PHKA2: variants seen among roughly 807,000 people sequenced by gnomAD.
PHKA2 encodes the protein phosphorylase b kinase regulatory subunit alpha, liver isoform.
Under a neutral mutation model 102.0 loss-of-function variants are expected in PHKA2, and 31 were observed. That is an observed-to-expected ratio of 0.30 (90% confidence interval 0.23 to 0.41). The LOEUF is 0.41. PHKA2 is among the 10% of genes least tolerant of loss of function. The pLI is 1.00. For synonymous variants in PHKA2, 455 were observed against 416.2 expected, an observed-to-expected ratio of 1.09 and a Z score of -1.13; for missense variants, 858 against 1,023.1, an observed-to-expected ratio of 0.84 and a Z score of 2.20.
intron 17 of PHKA2, among the ~76,000 whole-genome samples, chrX:18,920,958 C>T (rs934261583): frequency 2.0e-4 from 22 of 112,059 alleles, no homozygotes; most frequent in Non-Finnish European, 3.9e-4. Flanking sequence ...GGCTGAGAAA[C>T]GTTTAAAGAG....
intron 1 of PHKA2, among the ~76,000 whole-genome samples, chrX:18,959,724 A>G (rs766437999): frequency 8.1e-5 from 9 of 111,425 alleles, no homozygotes; most frequent in Non-Finnish European, 1.7e-4. Context: ...TCTCCCACCT[A>G]TATCAGGTGA....
At chrX:18,952,599 A>G in intron 2 of PHKA2, 58 bp from the exon 3 acceptor site, 1 of 1,102,412 alleles carries the variant, frequency 9.1e-7, no homozygotes, top group Non-Finnish European at 1.2e-6. Context: ...CAGGAAAATC[A>G]CCTCCTGATC....
intron 1 of PHKA2, among the ~76,000 whole-genome samples, chrX:18,970,482 T>C (rs2049005390): frequency 8.9e-6 from 1 of 112,291 alleles, no homozygotes; most frequent in South Asian, 3.7e-4. Context: ...TAAATCTGGG[T>C]TATTCATTTT....
chrX:18,951,625 A>C (rs1601777014), intron 3 of PHKA2, among the ~76,000 whole-genome samples: 2 of 111,547 alleles, frequency 1.8e-5, no homozygotes, highest in Admixed American at 1.9e-4. Flanking sequence ...ACCTGTTTAA[A>C]TTTCAATTTC....
At position 18,906,827 on chromosome X, in the gene PHKA2, A is replaced by ATT; in HGVS notation, c.2598-15_2598-14dup. 1 of 1,192,151 alleles carries ATT rather than the reference A, an allele frequency of 8.4e-7. No homozygotes were observed. Among genetic ancestry groups the ATT allele is most frequent in the Non-Finnish European group, 1.1e-6 (1 of 877,369 alleles). ...TGGGGGAAGGGGCCTAGAAAGGAGC[A>ATT]TTGTGTCACGAATGTGATGAGGTGT... On this transcript the variant is annotated splice_polypyrimidine_tract_variant and intron_variant, in intron 23 of 32. Coordinates refer to ENST00000379942, the MANE Select transcript of PHKA2 (RefSeq NM_000292.3).
intron 1 of PHKA2, among the ~76,000 whole-genome samples, chrX:18,980,461 A>G (rs1387807014): frequency 8.8e-6 from 1 of 113,001 alleles, no homozygotes; most frequent in Non-Finnish European, 1.9e-5. Context: ...TGCTGGCAGC[A>G]ATGCTGCTCT....
Position 18,894,267 on chromosome X carries a change from G to A in PHKA2, c.3474C>T (p.Ile1158=), listed in dbSNP as rs1332498387. 18 of 1,210,118 alleles carry A rather than the reference G, an allele frequency of 1.5e-5. No homozygotes were observed. Among genetic ancestry groups the A allele is most frequent in the Admixed American group, 8.7e-5 (4 of 45,853 alleles). ...TCTGGTCCACGTGGATGATGCCCCC[G>A]ATGCTGGTCATCTCCGTGTCCGAGA... ...TLLSDTEMTS[I]GGIIHVDQIV... The change falls in exon 32 of 33, where the codon ATC becomes ATT. Residue 1158 remains isoleucine (I), a synonymous_variant. Transcript: ENST00000379942.
At chrX:18,983,016 T>C (rs1029510181) in intron 1 of PHKA2, among the ~76,000 whole-genome samples, 8 of 112,223 alleles carry the variant, frequency 7.1e-5, no homozygotes, top group African/African-American at 2.6e-4. Context: ...AGAAATTAGT[T>C]AAGAAGGGAA....
chrX:18,895,189 G>C lies in PHKA2; in HGVS notation c.3285C>G (p.Cys1095Trp). The C allele has an allele frequency of 8.3e-7, 1 of 1,209,393 alleles. No individual in the cohort carries two copies. Among genetic ancestry groups the C allele is most frequent in the Non-Finnish European group, 1.1e-6 (1 of 893,319 alleles). The part of the protein sequence containing the change: ...YQRVWKILQK[C>W]HGLSIDGYVL... ...CATAACCATCGATGGAGAGACCGTG[G>C]CACTGGAGGCAGAATAGAGCGCATT... Residue 1095 changes from cysteine (C) to tryptophan (W), a missense_variant and splice_region_variant, in exon 31 of 33, where the codon TGC (cysteine) becomes TGG (tryptophan). By Grantham distance (215) the Cys-to-Trp change is radical (BLOSUM62 -2). Coordinates refer to ENST00000379942, the MANE Select transcript of PHKA2 (RefSeq NM_000292.3).
chrX:18,926,457 C>A lies in PHKA2; in HGVS notation c.1455G>T (p.Lys485Asn). The change falls in exon 14 of 33, where the codon AAG becomes AAT. Residue 485 changes from lysine to asparagine, a missense_variant. Around this residue, in one of 2 missense-constraint regions of PHKA2, gnomAD observed 671 missense variants for 745.2 expected, o/e 0.90. Coordinates refer to ENST00000379942, the MANE Select transcript of PHKA2 (RefSeq NM_000292.3). ...PGRILSHIYA[K>N]LGRNKNMNLS... is the part of the protein sequence containing the mutation. ...AGGTAATTTCCCCAAACCTACCAAG[C>A]TTGGCATATATGTGACTAAGAATCC... 1 of 1,204,595 alleles carries A rather than the reference C, an allele frequency of 8.3e-7. No individual in the cohort carries two copies. Among genetic ancestry groups the A allele is most frequent in the Non-Finnish European group, 1.1e-6 (1 of 888,671 alleles).
intron 5 of PHKA2, among the ~76,000 whole-genome samples, chrX:18,948,466 T>C (rs1370273157): frequency 1.8e-5 from 2 of 111,685 alleles, no homozygotes; most frequent in African/African-American, 3.3e-5. Context: ...AGAGCGAGAC[T>C]CTGTTTAAAA....
At chrX:18,940,112 G>C (rs1256335576) in intron 8 of PHKA2, 64 bp from the exon 9 acceptor site, 6 of 704,566 alleles carry the variant, frequency 8.5e-6, no homozygotes, top group Non-Finnish European at 1.2e-5. Context: ...ATTCAAGTCA[G>C]CCCTGCACCC....
chrX:18,961,197 G>A (rs1012960285), intron 1 of PHKA2, among the ~76,000 whole-genome samples: 1 of 111,783 alleles, frequency 8.9e-6, no homozygotes, highest in Non-Finnish European at 1.9e-5. Flanking sequence ...CAAGGTCCTG[G>A]CCTAGTTAGG....
At chrX:18,908,987 G>T in intron 20 of PHKA2, 53 bp from the exon 21 acceptor site, 2 of 1,202,247 alleles carry the variant, frequency 1.7e-6, no homozygotes, top group Non-Finnish European at 2.3e-6. Flanking sequence ...TGGAACTTTC[G>T]GAAGATCAAG....
chrX:18,959,204 T>C (rs1019733285), intron 1 of PHKA2, among the ~76,000 whole-genome samples: 1 of 112,387 alleles, frequency 8.9e-6, no homozygotes, highest in African/African-American at 3.2e-5. Context: ...GTACACCTCA[T>C]AGGGTTATTT....
Position 18,893,076 on chromosome X carries a change from T to G in PHKA2, c.*409A>C. On this transcript the variant is annotated 3_prime_UTR_variant, in exon 33 of 33. Transcript: ENST00000379942. ...GTCAAGGCTACTGCCGCCAGGAGGA[T>G]CTTTGCATCTTTAGGATGTGTCACT... 2 of 198,353 alleles carry G rather than the reference T, an allele frequency of 1.0e-5. No homozygotes were observed. Among genetic ancestry groups the G allele is most frequent in the South Asian group, 8.4e-5 (1 of 11,926 alleles). 16.3% of individuals were successfully genotyped at this position (198,353 alleles called of 1,213,427 possible).
At chrX:18,933,160 T>C (rs2048342799) in intron 11 of PHKA2, among the ~76,000 whole-genome samples, 1 of 109,911 alleles carries the variant, frequency 9.1e-6, no homozygotes, top group African/African-American at 3.3e-5. Context: ...AAATATTCAA[T>C]AGAGAGCAGA....
chrX:18,924,487 A>G lies in PHKA2; in HGVS notation c.1608T>C (p.Asn536=). Residue 536 remains asparagine (N), a synonymous_variant, in exon 16 of 33, where the codon AAT becomes AAC. Transcript: ENST00000379942. ...DQHHFYLALD[N]EMIVEMLRIE... ...TCCTTAGCATCTCCACGATCATCTC[A>G]TTGTCGAGGGCCAGGTAGAAGTGAT... 2.5e-6 allele frequency: 3 copies of G among 1,205,881 alleles called. No individual in the cohort carries two copies. In the South Asian group the frequency reaches 5.3e-5, roughly 21 times the overall value.
chrX:18,914,272 A>AT (rs1245345169), intron 19 of PHKA2, among the ~76,000 whole-genome samples: 1 of 112,500 alleles, frequency 8.9e-6, no homozygotes, highest in African/African-American at 3.2e-5. Context: ...TATGTGGTGC[A>AT]TAACTGTATA....
Sources: gnomAD v4.1 joint callset for allele counts (sites outside exome capture counted in the v4.1 genomes callset) on GRCh38, gnomAD v4.1.1 for gene constraint, gnomAD v4.1.1 regional missense constraint, MANE v1.5 for transcripts, NCBI Gene and HGNC (gene_info 2026-07-23, HGNC 2026-07-21) for gene names.